LRRC9: variants seen among roughly 807,000 people sequenced by gnomAD.
LRRC9 encodes leucine-rich repeat-containing protein 9.
LRRC9 carries 122 observed loss-of-function variants against 63.2 expected under a neutral mutation model. The ratio of observed to expected loss-of-function variants is 1.93; its 90% CI spans 1.67 to 2.24. The LOEUF (loss-of-function observed/expected upper bound fraction) is 2.24, where lower values mean the gene tolerates loss of function less well. LRRC9 is among the 30% of genes most tolerant of loss of function. The pLI is 0.00. For synonymous variants in LRRC9, 366 were observed against 213.1 expected, an observed-to-expected ratio of 1.72 and a Z score of -6.25; for missense variants, 1,071 against 627.7, an observed-to-expected ratio of 1.71 and a Z score of -7.55.
intron 8 of LRRC9, among the ~76,000 whole-genome samples, chr14:59,949,316 C>G (rs1882832248): frequency 6.6e-6 from 1 of 152,136 alleles, no homozygotes; most frequent in Admixed American, 6.5e-5. Flanking sequence ...GTAGTATTCT[C>G]TGATGGTAGT....
At position 60,051,546 on chromosome 14, in the gene LRRC9, T is replaced by C. The variant is rs983809522; in HGVS notation, c.3991-1519T>C. ...CCTTCCCCCAGGAACTGCCTCTGGTTTCAGGCAGACTCAGCCTATTGCCCT... is the reference window on the plus strand; with the variant it reads ...CCTTCCCCCAGGAACTGCCTCTGGTCTCAGGCAGACTCAGCCTATTGCCCT... On this transcript the variant is annotated intron_variant, in intron 29 of 31. Coordinates refer to ENST00000445360, the Ensembl canonical transcript of LRRC9. This position sits in a 1 kb window ranked among gnomAD's most constrained non-coding sequence, Gnocchi z 4.7. 2.0e-5 allele frequency among the ~76,000 whole-genome samples: 3 copies of C among 152,174 alleles called. No individual in the cohort carries two copies. The highest frequency in any genetic ancestry group is 4.4e-5 in the Non-Finnish European group (3 of 68,032).
intron 17 of LRRC9, among the ~76,000 whole-genome samples, chr14:59,988,343 T>C (rs1375532535): frequency 6.6e-6 from 1 of 152,188 alleles, no homozygotes; most frequent in Non-Finnish European, 1.5e-5. Context: ...AATATATGTG[T>C]GCATGTGTGT....
At chr14:60,061,699 C>A (rs309006) in intron 31 of LRRC9, among the ~76,000 whole-genome samples, 113,638 of 152,104 alleles carry the variant, frequency 0.75, 44,559 homozygotes, top group Non-Finnish European at 0.87. Context: ...TGCTGCCCCA[C>A]CTTTTAAAAG....
At chr14:59,967,755 C>A (rs550165632) in intron 12 of LRRC9, among the ~76,000 whole-genome samples, 1 of 151,940 alleles carries the variant, frequency 6.6e-6, no homozygotes, top group Middle Eastern at 3.2e-3. Context: ...TGTAGAGCAG[C>A]GCTTCCCAAC....
intron 13 of LRRC9, among the ~76,000 whole-genome samples, chr14:59,975,721 T>C (rs1289215702): frequency 2.0e-5 from 3 of 152,216 alleles, no homozygotes; most frequent in African/African-American, 4.8e-5. Context: ...ATAGTTATCA[T>C]ATAGGAGCTA....
rs1036885045 is a variant in LRRC9, at chr14:59,986,295, C to T, written c.2211+1071C>T. Among the ~76,000 whole-genome samples, 5 of 152,160 alleles carry T rather than the reference C, an allele frequency of 3.3e-5. No individual in the cohort carries two copies. The highest frequency in any genetic ancestry group is 2.9e-5 in the Non-Finnish European group (2 of 68,006). On this transcript the variant is annotated intron_variant, in intron 17 of 31. Coordinates refer to ENST00000445360, the Ensembl canonical transcript of LRRC9. This position sits in a 1 kb window ranked among gnomAD's most constrained non-coding sequence, Gnocchi z 4.7. ...TCTCCTGTTTACATGGGTTCCAGGT[C>T]ACTCACTTATCTCTTCAGAATATAT...
chr14:60,056,564 T>C (rs1352896915), intron 30 of LRRC9, among the ~76,000 whole-genome samples: 1 of 152,220 alleles, frequency 6.6e-6, no homozygotes, highest in Non-Finnish European at 1.5e-5. Context: ...TCTAGATACA[T>C]ATTCTTGCCA....
chr14:60,014,713 G>GATT (rs1890536473), intron 23 of LRRC9, among the ~76,000 whole-genome samples: 1 of 151,844 alleles, frequency 6.6e-6, no homozygotes, highest in African/African-American at 2.4e-5. Flanking sequence ...ATTTGATTCT[G>GATT]ATTATTATTA....
At chr14:60,054,552 C>T (rs1894134131) in intron 30 of LRRC9, among the ~76,000 whole-genome samples, 1 of 152,006 alleles carries the variant, frequency 6.6e-6, no homozygotes, top group African/African-American at 2.4e-5. Flanking sequence ...TTTCCACATG[C>T]CTTTAAATTC....
At chr14:59,980,607 G>A (rs1361294804) in intron 15 of LRRC9, among the ~76,000 whole-genome samples, 1 of 151,992 alleles carries the variant, frequency 6.6e-6, no homozygotes, top group Admixed American at 6.6e-5. Flanking sequence ...TGCTGTATTG[G>A]ACTTCTTGTT....
rs148525644 is a variant in LRRC9 at position 59,944,793 on chromosome 14, G to A, written c.882+49G>A. ...CCAGTGGCCATACCTTAAGAAAACC[G>A]TTAGATAAGATAGCAAGCAATATCT... On this transcript the variant is annotated intron_variant, in intron 8 of 31. Coordinates refer to ENST00000445360, the Ensembl canonical transcript of LRRC9. 209 of 588,300 alleles carry A rather than the reference G, an allele frequency of 3.6e-4. 1 individual carries two copies. The highest frequency in any genetic ancestry group is 1.9e-3 in the African/African-American group (99 of 52,474). The allele number at this position is 588,300 out of a possible 1,614,324, so 36.4% of individuals were successfully genotyped here. A position where few individuals can be genotyped will look rare whatever the true frequency, so the allele number is the denominator to read the frequency against.
chr14:60,016,243 T>C (rs1006461508), intron 23 of LRRC9, among the ~76,000 whole-genome samples: 2 of 152,150 alleles, frequency 1.3e-5, no homozygotes, highest in Non-Finnish European at 2.9e-5. Context: ...TCTCACTCTG[T>C]CACCCAGACT....
At chr14:59,928,193 A>G in intron 2 of LRRC9, 75 bp from the exon 3 acceptor site, 1 of 565,082 alleles carries the variant, frequency 1.8e-6, no homozygotes, top group South Asian at 2.5e-5. Flanking sequence ...TTGACAATTT[A>G]TAATTTCTAA....
At chr14:59,937,900 C>A (rs1881214757) in intron 6 of LRRC9, among the ~76,000 whole-genome samples, 1 of 151,908 alleles carries the variant, frequency 6.6e-6, no homozygotes, top group African/African-American at 2.4e-5. Flanking sequence ...ACAAAAAAAA[C>A]AAAAATCAGG....
chr14:59,931,645 A>T (rs1207276028), exon 5 of LRRC9: 4 of 699,298 alleles, frequency 5.7e-6, no homozygotes, highest in Non-Finnish European at 1.0e-5. Flanking sequence ...AGAATTTAAA[A>T]GATCTCAACC....
chr14:59,998,467 A>G (rs1889026261), intron 18 of LRRC9, among the ~76,000 whole-genome samples: 1 of 152,034 alleles, frequency 6.6e-6, no homozygotes, highest in Non-Finnish European at 1.5e-5. Context: ...ATATTCCATG[A>G]CTATATTTAA....
intron 29 of LRRC9, among the ~76,000 whole-genome samples, chr14:60,048,373 T>C (rs1464333260): frequency 6.6e-6 from 1 of 151,740 alleles, no homozygotes; most frequent in African/African-American, 2.4e-5. Context: ...AAAAAATTAA[T>C]AAAATAGATA....
At chr14:60,041,253 TGA>T (rs1892919411) in intron 29 of LRRC9, among the ~76,000 whole-genome samples, 1 of 152,142 alleles carries the variant, frequency 6.6e-6, no homozygotes, top group Admixed American at 6.5e-5. Flanking sequence ...TTGCTCTTCT[TGA>T]GGAGTATCTT....
chr14:59,987,510 T>A lies in LRRC9; in HGVS notation c.2211+2286T>A, dbSNP rs574129515. ...TAGATTTCCCTTCCATTTCCCATAG[T>A]TTATCTCTAGAAATACTTGAGCCAT... On this transcript the variant is annotated intron_variant, in intron 17 of 31. Transcript: ENST00000445360. 1.2e-4 allele frequency among the ~76,000 whole-genome samples: 18 copies of A among 144,402 alleles called. 1 individual carries two copies. Among genetic ancestry groups the A allele is most frequent in the Non-Finnish European group, 1.5e-4 (10 of 65,024 alleles). 94.7% of individuals were successfully genotyped at this position (144,402 alleles called of 152,430 possible).
Sources: allele counts gnomAD v4.1 joint callset (sites outside exome capture counted in the v4.1 genomes callset), GRCh38; gene constraint gnomAD v4.1.1; non-coding constraint Gnocchi (gnomAD v3.1); transcripts MANE v1.5; gene names NCBI Gene and HGNC (gene_info 2026-07-23, HGNC 2026-07-21).